GDI2: variants seen among roughly 807,000 people sequenced by gnomAD.
The protein encoded by GDI2 is GDP dissociation inhibitor 2, also known as rab GDP dissociation inhibitor beta.
In GDI2, 22 loss-of-function variants were observed where a neutral mutation model predicts 54.2. The ratio of observed to expected loss-of-function variants is 0.41; its 90% confidence interval spans 0.29 to 0.58. GDI2 has a LOEUF of 0.58. Ranked by LOEUF, GDI2 falls within the 20% of genes least tolerant of loss-of-function variation. The pLI is 0.35. For synonymous variants in GDI2, 177 were observed against 182.1 expected (o/e 0.97, Z 0.23); for missense variants, 422 against 546.0 (o/e 0.77, Z 2.26).
chr10:5,768,832 A>G lies in GDI2; in HGVS notation c.820-448T>C, dbSNP rs1478575547. ...CATCCACAAAAACTAAAAATGGAAC[A>G]AAGACCTAAATGTGGTATCTAAAAC... On this transcript the variant is annotated intron_variant, in intron 7 of 10. Coordinates refer to ENST00000380191, the MANE Select transcript of GDI2 (RefSeq NM_001494.4). The surrounding 1 kb of genome is among the most constrained non-coding windows in gnomAD (Gnocchi z 4.4). 1.3e-5 allele frequency: 2 copies of G among 154,326 alleles called. No individual in the cohort carries two copies. Among genetic ancestry groups the G allele is most frequent in the African/African-American group, 4.8e-5 (2 of 41,500 alleles). The allele number at this position is 154,326 out of a possible 1,614,324, so 9.6% of individuals were successfully genotyped here.
intron 1 of GDI2, chr10:5,811,995 GATT>G (rs1564401643): frequency 1.7e-6 from 1 of 588,804 alleles, no homozygotes; most frequent in Non-Finnish European, 2.5e-6. Flanking sequence ...GACCCTGAGA[GATT>G]ATAATAAATT....
chr10:5,791,020 T>C (rs1214951884), intron 4 of GDI2, among the ~76,000 whole-genome samples: 1 of 152,070 alleles, frequency 6.6e-6, no homozygotes, highest in Non-Finnish European at 1.5e-5. Flanking sequence ...TATACCACTA[T>C]AGGCATGCAT....
At chr10:5,788,714 T>C (rs1303784799) in intron 4 of GDI2, among the ~76,000 whole-genome samples, 1 of 152,108 alleles carries the variant, frequency 6.6e-6, no homozygotes, top group Admixed American at 6.5e-5. Flanking sequence ...AAGCTTGATG[T>C]AGATTTTTTC....
chr10:5,776,501 C>A lies in GDI2; in HGVS notation c.720-2560G>T. Reference sequence around the variant, plus strand: ...CAGAGCCATGTATTAGAAGCAAAGGCCCGAAAGATAAAACAATTATAGAGA... The same window carrying A: ...CAGAGCCATGTATTAGAAGCAAAGGACCGAAAGATAAAACAATTATAGAGA... On this transcript the variant is annotated intron_variant, in intron 6 of 10. Coordinates refer to ENST00000380191, the MANE Select transcript of GDI2 (RefSeq NM_001494.4). This position sits in a 1 kb window ranked among gnomAD's most constrained non-coding sequence, Gnocchi z 5.3. The A allele has an allele frequency of 7.9e-7, 1 of 1,263,232 alleles. No individual in the cohort carries two copies. The highest frequency in any genetic ancestry group is 1.2e-6 in the Non-Finnish European group (1 of 864,464). The allele number at this position is 1,263,232 out of a possible 1,614,324, so 78.3% of individuals were successfully genotyped here.
chr10:5,792,315 G>A (rs749891783), intron 4 of GDI2, among the ~76,000 whole-genome samples: 7 of 152,118 alleles, frequency 4.6e-5, no homozygotes, highest in African/African-American at 9.7e-5. Flanking sequence ...CATCTCACAC[G>A]ATTGCAGTGA....
chr10:5,789,093 G>A (rs372575506), intron 4 of GDI2, among the ~76,000 whole-genome samples: 105 of 151,058 alleles, frequency 7.0e-4, no homozygotes, highest in African/African-American at 2.5e-3. Flanking sequence ...TCAGTTCTAC[G>A]TTTTATTTTA....
chr10:5,789,498 T>G (rs1018996157), intron 4 of GDI2, among the ~76,000 whole-genome samples: 17 of 152,034 alleles, frequency 1.1e-4, no homozygotes, highest in African/African-American at 4.1e-4. Context: ...CATAGCACAG[T>G]ACAGCCTCAA....
Position 5,785,159 on chromosome 10 carries a change from C to T in GDI2, c.702G>A (p.Leu234=), listed in dbSNP as rs1484707051. The T allele has an allele frequency of 1.3e-6, 2 of 1,597,504 alleles. No individual in the cohort carries two copies. Among genetic ancestry groups the T allele is most frequent in the South Asian group, 2.3e-5 (2 of 87,588 alleles). Residue 234 remains leucine (L), a synonymous_variant, in exon 6 of 11, where the codon CTG becomes CTA. Coordinates refer to ENST00000380191, the MANE Select transcript of GDI2 (RefSeq NM_001494.4). The part of the protein sequence containing the change: ...YLYPLYGLGE[L]PQGFARLSAI... ...GCTCTTACCTTGCAAATCCTTGGGG[C>T]AGTTCTCCAAGGCCATAGAGTGGAT...
rs1840333861 is a variant in GDI2, at chr10:5,766,373, A to G, written c.1137-78T>C. ...CTCTGCCTGAGGTCAACTGAGAGGT[A>G]CAGATGAATCCCACAGAGCAGCCAG... On this transcript the variant is annotated intron_variant, in intron 9 of 10. Coordinates refer to ENST00000380191, the MANE Select transcript of GDI2 (RefSeq NM_001494.4). This position sits in a 1 kb window ranked among gnomAD's most constrained non-coding sequence, Gnocchi z 5.8. 2 of 1,474,110 alleles carry G rather than the reference A, an allele frequency of 1.4e-6. No individual in the cohort carries two copies. Among genetic ancestry groups the G allele is most frequent in the Non-Finnish European group, 1.9e-6 (2 of 1,052,266 alleles). The allele number at this position is 1,474,110 out of a possible 1,614,324, so 91.3% of individuals were successfully genotyped here.
chr10:5,772,562 G>T (rs1840513863), intron 7 of GDI2, among the ~76,000 whole-genome samples: 1 of 152,068 alleles, frequency 6.6e-6, no homozygotes, highest in Admixed American at 6.6e-5. Context: ...TTCGAGACCA[G>T]CCTGGCCAAC....
chr10:5,789,008 C>G (rs1232113748), intron 4 of GDI2, among the ~76,000 whole-genome samples: 3 of 152,190 alleles, frequency 2.0e-5, no homozygotes, highest in Non-Finnish European at 4.4e-5. Flanking sequence ...CTCAAGTGAT[C>G]CGCCTGCCTC....
At chr10:5,778,009 A>G (rs1840664757) in intron 6 of GDI2, among the ~76,000 whole-genome samples, 1 of 152,212 alleles carries the variant, frequency 6.6e-6, no homozygotes, top group Non-Finnish European at 1.5e-5. Context: ...GCTGGAAACC[A>G]TCATTCTCAG....
chr10:5,780,233 CAAACAAAA>C (rs1340244417), intron 6 of GDI2, among the ~76,000 whole-genome samples: 2 of 119,408 alleles, frequency 1.7e-5, no homozygotes, highest in Non-Finnish European at 3.8e-5. Flanking sequence ...AACAAACAAA[CAAACAAAA>C]AAACAGACCA....
rs1564386596 is a variant in GDI2 at position 5,766,942 on chromosome 10, T to A, written c.992-304A>T. On this transcript the variant is annotated intron_variant, in intron 8 of 10. Transcript: ENST00000380191. The surrounding 1 kb of genome is among the most constrained non-coding windows in gnomAD (Gnocchi z 5.8). ...AAAAAACCTGCCAAACCATATTAAC[T>A]ATTCTGGGAGATTCTTCCATTCTGG... is the stretch of plus-strand genomic sequence containing the variant. Among the ~76,000 whole-genome samples the A allele has an allele frequency of 6.6e-6, 1 of 152,350 alleles. No individual in the cohort carries two copies. The highest frequency in any genetic ancestry group is 1.5e-5 in the Non-Finnish European group (1 of 68,028).
chr10:5,769,985 A>C (rs1409376937), intron 7 of GDI2, among the ~76,000 whole-genome samples: 1 of 152,236 alleles, frequency 6.6e-6, no homozygotes, highest in African/African-American at 2.4e-5. Context: ...GAAGCAATCC[A>C]GGTATCGATG....
At chr10:5,800,091 A>C (rs1841235337) in intron 2 of GDI2, among the ~76,000 whole-genome samples, 1 of 152,226 alleles carries the variant, frequency 6.6e-6, no homozygotes, top group Admixed American at 6.5e-5. Flanking sequence ...GTAGGTGTTC[A>C]ACAAACCTCA....
Position 5,800,631 on chromosome 10 carries a change from T to C in GDI2, c.120A>G (p.Gly40=), listed in dbSNP as rs760404057. The C allele has an allele frequency of 3.8e-6, 6 of 1,590,748 alleles. No individual in the cohort carries two copies. The East Asian group carries it at 1.3e-4, about 36-fold the overall frequency. The change falls in exon 2 of 11, where the codon GGA becomes GGG. Residue 40 remains glycine (G), a synonymous_variant. Transcript: ENST00000380191. ...VLHMDRNPYY[G]GESASITPLE... is the part of the protein sequence containing the mutation. ...ATGGTGTTATAGATGCACTCTCTCCTCCGTAGTAAGGGTTTCGATCCATAT... is the reference window on the plus strand; with the variant it reads ...ATGGTGTTATAGATGCACTCTCTCCCCCGTAGTAAGGGTTTCGATCCATAT...
At chr10:5,798,481 C>A (rs773544591) in intron 2 of GDI2, among the ~76,000 whole-genome samples, 18 of 151,382 alleles carry the variant, frequency 1.2e-4, no homozygotes, top group Non-Finnish European at 2.2e-4. Context: ...TCCAGCTACT[C>A]GGGAGGCTGA....
chr10:5,773,304 A>T (rs1840541851), intron 7 of GDI2, among the ~76,000 whole-genome samples: 1 of 142,326 alleles, frequency 7.0e-6, no homozygotes, highest in African/African-American at 2.5e-5. Context: ...AGATAGTAAC[A>T]GTGTCAAATG....
Sources: gnomAD v4.1 joint callset for allele counts (sites outside exome capture counted in the v4.1 genomes callset) on GRCh38, gnomAD v4.1.1 for gene constraint, Gnocchi (gnomAD v3.1) non-coding constraint, MANE v1.5 for transcripts, NCBI Gene and HGNC (gene_info 2026-07-23, HGNC 2026-07-21) for gene names.